VPS41: variants seen among roughly 807,000 people sequenced by gnomAD.
VPS41 encodes the protein VPS41 subunit of HOPS complex.
A neutral mutation model predicts 130.9 loss-of-function variants in VPS41; 85 were observed. The ratio of observed to expected loss-of-function variants is 0.65; its 90% CI spans 0.55 to 0.78. The LOEUF (loss-of-function observed/expected upper bound fraction) is 0.78. Ranked by LOEUF, VPS41 falls within the 30% of genes least tolerant of loss-of-function variation. VPS41 has a pLI of 0.00. For missense variants in VPS41, 874 were observed against 1,018.7 expected (o/e 0.86, Z 1.93); for synonymous variants, 335 against 332.9 (o/e 1.01, Z -0.07).
intron 4 of VPS41, among the ~76,000 whole-genome samples, chr7:38,855,016 C>T (rs756583509): frequency 6.6e-6 from 1 of 151,784 alleles, no homozygotes; most frequent in African/African-American, 2.4e-5. Context: ...CGAGACCATC[C>T]TAGCCAACAT....
intron 4 of VPS41, among the ~76,000 whole-genome samples, chr7:38,847,647 T>C (rs767766828): frequency 2.0e-5 from 3 of 152,106 alleles, no homozygotes; most frequent in Non-Finnish European, 4.4e-5. Context: ...GCCAAACATA[T>C]AGCAGACCCA....
intron 4 of VPS41, chr7:38,831,391 G>A (rs1395355883): frequency 2.7e-6 from 1 of 373,000 alleles, no homozygotes; most frequent in Non-Finnish European, 5.3e-6. Flanking sequence ...CACATGCCAA[G>A]TGTTCAACGA....
At chr7:38,786,029 A>G (rs1784430665) in intron 10 of VPS41, among the ~76,000 whole-genome samples, 1 of 152,208 alleles carries the variant, frequency 6.6e-6, no homozygotes, top group African/African-American at 2.4e-5. Flanking sequence ...AGCTATCATC[A>G]CTGATATAGA....
intron 18 of VPS41, among the ~76,000 whole-genome samples, chr7:38,757,835 C>T (rs1278342290): frequency 1.3e-5 from 2 of 152,058 alleles, no homozygotes; most frequent in Non-Finnish European, 2.9e-5. Context: ...GTATCATAAG[C>T]GTCTCGCACA....
intron 10 of VPS41, among the ~76,000 whole-genome samples, chr7:38,784,708 T>C (rs945571617): frequency 6.6e-6 from 1 of 152,060 alleles, no homozygotes; most frequent in African/African-American, 2.4e-5. Flanking sequence ...GATGCTTAGA[T>C]TCAAAGCACA....
intron 25 of VPS41, among the ~76,000 whole-genome samples, chr7:38,736,945 T>A (rs1043292513): frequency 1.2e-4 from 19 of 152,196 alleles, no homozygotes; most frequent in African/African-American, 4.6e-4. Flanking sequence ...CCCTCCCTCA[T>A]CAGGTGAGTT....
At chr7:38,886,477 A>G (rs1157568375) in intron 2 of VPS41, among the ~76,000 whole-genome samples, 1 of 152,170 alleles carries the variant, frequency 6.6e-6, no homozygotes, top group East Asian at 1.9e-4. Context: ...AGGCTTGAGT[A>G]GGCGGTTCTA....
At chr7:38,816,903 G>A (rs960750995) in intron 7 of VPS41, among the ~76,000 whole-genome samples, 8 of 151,914 alleles carry the variant, frequency 5.3e-5, no homozygotes, top group Admixed American at 1.3e-4. Flanking sequence ...ACCACCACAC[G>A]CAGCTAATTT....
chr7:38,812,400 T>C (rs1239558811), intron 7 of VPS41, among the ~76,000 whole-genome samples: 1 of 152,070 alleles, frequency 6.6e-6, no homozygotes, highest in Non-Finnish European at 1.5e-5. Context: ...TCAAAATATA[T>C]TGTACACCTA....
intron 11 of VPS41, 128 bp from the exon 12 acceptor site, chr7:38,774,372 A>T: frequency 6.2e-6 from 5 of 808,592 alleles, no homozygotes; most frequent in South Asian, 4.0e-5. Flanking sequence ...AGACTGGGTA[A>T]TTTATAAAGG....
chr7:38,880,200 C>T (rs1288152972), intron 2 of VPS41, among the ~76,000 whole-genome samples: 1 of 152,066 alleles, frequency 6.6e-6, no homozygotes, highest in Non-Finnish European at 1.5e-5. Flanking sequence ...TATTACAACC[C>T]CAACTTCACA....
chr7:38,847,784 C>T (rs898291872), intron 4 of VPS41, among the ~76,000 whole-genome samples: 24 of 152,118 alleles, frequency 1.6e-4, no homozygotes, highest in African/African-American at 5.8e-4. Context: ...AAGGTGTGTT[C>T]TTATTTTTCT....
intron 2 of VPS41, among the ~76,000 whole-genome samples, chr7:38,879,159 T>C (rs1258144633): frequency 2.0e-5 from 3 of 152,070 alleles, no homozygotes; most frequent in Admixed American, 2.0e-4. Context: ...TAAGAAACTA[T>C]GGAGGCACTG....
Position 38,752,873 on chromosome 7 carries a change from C to T in VPS41, c.1789-560G>A, listed in dbSNP as rs181806090. On this transcript the variant is annotated intron_variant, in intron 21 of 28. Coordinates refer to ENST00000310301, the MANE Select transcript of VPS41 (RefSeq NM_014396.4). ...ACTCATTTCCATACATTCTGCATCT[C>T]CTCTTTGTTGACTCTTCAAATGAAA... 1.2e-3 allele frequency among the ~76,000 whole-genome samples: 179 copies of T among 152,296 alleles called. 2 individuals carry two copies. The highest frequency in any genetic ancestry group is 4.1e-3 in the African/African-American group (170 of 41,572).
chr7:38,752,070 GA>G, intron 22 of VPS41, 105 bp downstream of exon 22: 1 of 1,486,534 alleles, frequency 6.7e-7, no homozygotes, highest in Non-Finnish European at 9.1e-7. Flanking sequence ...CTTCCCCCTG[GA>G]AAGGGACAGA....
intron 7 of VPS41, among the ~76,000 whole-genome samples, chr7:38,802,993 T>C (rs981835260): frequency 6.6e-6 from 1 of 152,220 alleles, no homozygotes; most frequent in African/African-American, 2.4e-5. Context: ...AAAAGTATTT[T>C]AGGGCTTTAT....
intron 7 of VPS41, among the ~76,000 whole-genome samples, chr7:38,816,004 C>G (rs1298774678): frequency 6.6e-6 from 1 of 152,044 alleles, no homozygotes; most frequent in Non-Finnish European, 1.5e-5. Flanking sequence ...AACCCTAATA[C>G]AATCATACAC....
chr7:38,897,436 G>C (rs1164163961), intron 2 of VPS41, among the ~76,000 whole-genome samples: 1 of 151,810 alleles, frequency 6.6e-6, no homozygotes, highest in Non-Finnish European at 1.5e-5. Context: ...ACAAGGTCAG[G>C]AGATCAAGAC....
chr7:38,754,919 A>C lies in VPS41; in HGVS notation c.1713T>G (p.Leu571=). Residue 571 remains leucine (L), a synonymous_variant, in exon 20 of 29, where the codon CTT becomes CTG. Coordinates refer to ENST00000310301, the MANE Select transcript of VPS41 (RefSeq NM_014396.4). The part of the protein sequence containing the change: ...DFDSEKAVDM[L]LDNEDKISIK... Reference sequence around the variant, plus strand: ...CTGAAATTTTATCTTCATTGTCCAAAAGCATGTCAACAGCTTTCTGAAACA... The same window carrying C: ...CTGAAATTTTATCTTCATTGTCCAACAGCATGTCAACAGCTTTCTGAAACA... 1 of 1,613,738 alleles carries C rather than the reference A, an allele frequency of 6.2e-7. No homozygotes were observed. The highest frequency in any genetic ancestry group is 8.5e-7 in the Non-Finnish European group (1 of 1,179,822).
Sources: allele counts gnomAD v4.1 joint callset (sites outside exome capture counted in the v4.1 genomes callset), GRCh38; gene constraint gnomAD v4.1.1; transcripts MANE v1.5; gene names NCBI Gene and HGNC (gene_info 2026-07-23, HGNC 2026-07-21).